Variants in PLEC observed in about 807,000 individuals in gnomAD.
PLEC encodes the protein hemidesmosomal protein 1.
PLEC carries 216 observed loss-of-function variants against 392.8 expected under a neutral mutation model. That is an observed-to-expected ratio of 0.55 (90% confidence interval 0.49 to 0.62). The LOEUF (loss-of-function observed/expected upper bound fraction) is 0.62, where lower values mean the gene tolerates loss of function less well. PLEC is among the 20% of genes least tolerant of loss of function. The pLI is 0.00. For missense variants in PLEC, 6,863 were observed against 6,563.4 expected, an observed-to-expected ratio of 1.05 and a Z score of -1.58; for synonymous variants, 3,621 against 2,980.6, an observed-to-expected ratio of 1.21 and a Z score of -7.00.
rs369665294 is a variant in PLEC, at chr8:143,932,503, G to T, written c.1874C>A (p.Ala625Asp). ...ATTCAGCCACATTAGCTCCTTAGTG[G>T]CGGCTGCCACAAAGCTGTGCAAGCT... ...LESLHSFVAA[A>D]TKELMWLNEK... The change falls in exon 16 of 32, where the codon GCC becomes GAC. Residue 625 changes from alanine (A) to aspartate (D), a missense_variant. Physicochemically the swap from Ala to Asp is moderately radical, Grantham distance 126. Transcript: ENST00000345136. The T allele has an allele frequency of 6.2e-7, 1 of 1,611,440 alleles. No homozygotes were observed. Among genetic ancestry groups the T allele is most frequent in the Non-Finnish European group, 8.5e-7 (1 of 1,179,738 alleles).
rs939415250 is a variant in PLEC at position 143,918,437 on chromosome 8, T to C, written c.11384A>G (p.Glu3795Gly). Residue 3795 changes from glutamate to glycine, a missense_variant, in exon 32 of 32, where the codon GAG becomes GGG. Glu to Gly is a moderately conservative substitution (Grantham distance 98). Coordinates refer to ENST00000345136, the MANE Select transcript of PLEC (RefSeq NM_201384.3). ...AMKKELIPTE[E>G]ALRLLDAQLA... is the part of the protein sequence containing the mutation. ...CTGGGCATCCAGCAGCCGCAGGGCC[T>C]CCTCAGTAGGGATCAGCTCCTTCTT... 1 of 1,581,790 alleles carries C rather than the reference T, an allele frequency of 6.3e-7. No individual in the cohort carries two copies. The highest frequency in any genetic ancestry group is 8.6e-7 in the Non-Finnish European group (1 of 1,166,470).
In PLEC at chr8:143,925,714, C is replaced by A. The variant is rs782416557; in HGVS notation, c.4215G>T (p.Glu1405Asp). The A allele has an allele frequency of 6.3e-7, 1 of 1,593,480 alleles. No homozygotes were observed. Among genetic ancestry groups the A allele is most frequent in the Non-Finnish European group, 8.5e-7 (1 of 1,177,084 alleles). The stretch of plus-strand genomic sequence containing the variant: ...GCTGCTGCGCGTCCACCGCCGCCTC[C>A]TCCCGCCGCACCACCTCCTCCTGCA... ...QRMQEEVVRREEAAVDAQQQK... is the reference protein window; with the variant it reads ...QRMQEEVVRRDEAAVDAQQQK... Residue 1405 changes from glutamate (E) to aspartate (D), a missense_variant, in exon 31 of 32, where the codon GAG becomes GAT. By Grantham distance (45) the Glu-to-Asp change is conservative. Transcript: ENST00000345136.
chr8:143,937,789 C>T (rs782142162), intron 3 of PLEC: 4 of 518,874 alleles, frequency 7.7e-6, no homozygotes, highest in Non-Finnish European at 1.5e-5. Flanking sequence ...CCTCGGCTGC[C>T]CGGCCAGAGC....
At chr8:143,953,792 C>T (rs992336935), upstream of PLEC, 10 of 1,611,496 alleles carry the variant, frequency 6.2e-6, no homozygotes, top group African/African-American at 2.7e-5. Flanking sequence ...GGGCTGAGGG[C>T]GGCTGTGCCA....
intron 1 of PLEC, among the ~76,000 whole-genome samples, chr8:143,962,581 A>G (rs1295847980): frequency 2.6e-5 from 4 of 152,224 alleles, no homozygotes; most frequent in Non-Finnish European, 5.9e-5. Context: ...CACACAGTAG[A>G]AAAAGCCTAG....
rs201552166 is a variant in PLEC at position 143,927,421 on chromosome 8, G to T, written c.3745C>A (p.Arg1249=). The T allele has an allele frequency of 4.3e-4, 682 of 1,602,368 alleles. 4 individuals are homozygous for T. The African/African-American group carries it at 8.0e-3, about 19-fold the overall frequency. The change falls in exon 27 of 32, where the codon CGG becomes AGG. Residue 1249 remains arginine, a synonymous_variant. Transcript: ENST00000345136. Reference sequence around the variant, plus strand: ...CGACCCAAGCCCACCTGCTCCTGCCGCAGCTGCTCCCGCACAGCCTGGCTG... The same window carrying T: ...CGACCCAAGCCCACCTGCTCCTGCCTCAGCTGCTCCCGCACAGCCTGGCTG... ...ADSQAVREQL[R]QEQALLEEIE... is the part of the protein sequence containing the mutation.
rs1832999632 is a variant in PLEC at position 143,964,553 on chromosome 8, AGCGT to A, written c.70+8846_70+8849del. On this transcript the variant is annotated intron_variant, in intron 1 of 31. Transcript: ENST00000356346. ...GAGTCCGCCCTGGAGCCTCCGAAGG[AGCGT>A]GGCCCTGTCAACATCTTGATTTTGG... 2.6e-5 allele frequency among the ~76,000 whole-genome samples: 4 copies of A among 152,284 alleles called. No individual in the cohort carries two copies. In the South Asian group the frequency reaches 8.3e-4, roughly 32 times the overall value.
chr8:143,927,798 C>T (rs1296299738), intron 26 of PLEC, 32 bp from the exon 27 acceptor site: 2 of 1,584,342 alleles, frequency 1.3e-6, no homozygotes, highest in African/African-American at 1.3e-5. Context: ...TGTGCGGCTT[C>T]AGCTGGGCCC....
intron 1 of PLEC, among the ~76,000 whole-genome samples, chr8:143,961,417 C>A (rs1310592009): frequency 3.3e-5 from 5 of 152,064 alleles, no homozygotes; most frequent in African/African-American, 1.2e-4. Context: ...GTAGAGACAG[C>A]GTTTCACCAT....
chr8:143,944,824 T>C (rs1308184373), intron 1 of PLEC: 11 of 649,134 alleles, frequency 1.7e-5, no homozygotes, highest in Admixed American at 4.4e-5. Flanking sequence ...AGGGGAGCAG[T>C]GGGCAGGGGC....
In PLEC at chr8:143,922,030, C is replaced by T; in HGVS notation, c.7791G>A (p.Gln2597=). The T allele has an allele frequency of 1.3e-6, 2 of 1,596,802 alleles. No individual in the cohort carries two copies. The highest frequency in any genetic ancestry group is 1.7e-6 in the Non-Finnish European group (2 of 1,179,292). ...GGTGCTGCTCCTCCAGGAGCTGCAGCTGCTCACGCAGCCTCTGGTTCTCCT... is the reference window on the plus strand; with the variant it reads ...GGTGCTGCTCCTCCAGGAGCTGCAGTTGCTCACGCAGCCTCTGGTTCTCCT... The part of the protein sequence containing the change: ...LAEENQRLRE[Q]LQLLEEQHRA... Residue 2597 remains glutamine (Q), a synonymous_variant, in exon 32 of 32, where the codon CAG becomes CAA. Coordinates refer to ENST00000345136, the MANE Select transcript of PLEC (RefSeq NM_201384.3).
chr8:143,967,362 C>CAAAAAAA (rs869137248), intron 1 of PLEC, among the ~76,000 whole-genome samples: 13 of 46,848 alleles, frequency 2.8e-4, no homozygotes, highest in Non-Finnish European at 3.6e-4. Flanking sequence ...GACTCCATCT[C>CAAAAAAA]AAAAAAAAAA....
At chr8:143,970,258 G>T (rs1239854591) in intron 1 of PLEC, among the ~76,000 whole-genome samples, 62 of 151,914 alleles carry the variant, frequency 4.1e-4, no homozygotes, top group Non-Finnish European at 3.1e-4. Context: ...TCACTGGAGA[G>T]GAATTTTGGT....
At position 143,920,670 on chromosome 8, in the gene PLEC, A is replaced by T; in HGVS notation, c.9151T>A (p.Ser3051Thr). The T allele has an allele frequency of 6.2e-7, 1 of 1,603,594 alleles. No homozygotes were observed. Among genetic ancestry groups the T allele is most frequent in the Non-Finnish European group, 8.5e-7 (1 of 1,179,878 alleles). ...YNALKKDLLPSDMAVALLEAQ... is the reference protein window; with the variant it reads ...YNALKKDLLPTDMAVALLEAQ... Reference sequence around the variant, plus strand: ...TCCAACAGGGCCACGGCCATGTCGGATGGCAGCAGGTCTTTCTTCAGGGCA... The same window carrying T: ...TCCAACAGGGCCACGGCCATGTCGGTTGGCAGCAGGTCTTTCTTCAGGGCA... The change falls in exon 32 of 32, where the codon TCC becomes ACC. Residue 3051 changes from serine (S) to threonine (T), a missense_variant. Transcript: ENST00000345136.
At position 143,919,235 on chromosome 8, in the gene PLEC, C is replaced by T. The variant is rs199815198; in HGVS notation, c.10586G>A (p.Arg3529Gln). ...GCCCGTCTCGGGGTCCTCCACGCAC[C>T]GCTCCAGCAGCTGCCTGTACGTGAG... Reference protein sequence around the residue: ...ENLTYRQLLERCVEDPETGLR... With the variant: ...ENLTYRQLLEQCVEDPETGLR... Residue 3529 changes from arginine to glutamine, a missense_variant, in exon 32 of 32, where the codon CGG becomes CAG. Transcript: ENST00000345136. 79 of 1,613,782 alleles carry T rather than the reference C, an allele frequency of 4.9e-5. No individual in the cohort carries two copies. The highest frequency in any genetic ancestry group is 8.3e-5 in the Admixed American group (5 of 60,000).
upstream of PLEC, among the ~76,000 whole-genome samples, chr8:143,952,928 C>G (rs1832338104): frequency 6.6e-6 from 1 of 151,982 alleles, no homozygotes; most frequent in South Asian, 2.1e-4. Flanking sequence ...AGGGAGGAGC[C>G]CGGAGCAGAA....
Position 143,921,190 on chromosome 8 carries a change from C to T in PLEC, c.8631G>A (p.Thr2877=), listed in dbSNP as rs530936382. 1.7e-5 allele frequency: 28 copies of T among 1,613,962 alleles called. No individual in the cohort carries two copies. The highest frequency in any genetic ancestry group is 1.7e-4 in the African/African-American group (13 of 75,064). Residue 2877 remains threonine, a synonymous_variant, in exon 32 of 32, where the codon ACG becomes ACA. Transcript: ENST00000345136. ...LLERCVEDPE[T]GLCLLPLTDK... ...CCGTGAGTGGCAGAAGGCACAGGCC[C>T]GTCTCGGGGTCCTCCACGCAGCGCT...
chr8:143,935,819 C>A (rs1828897241), intron 6 of PLEC, 29 bp downstream of exon 6: 1 of 1,611,368 alleles, frequency 6.2e-7, no homozygotes, highest in Admixed American at 1.7e-5. Flanking sequence ...GCCCCCAGCC[C>A]ACAGCCCCCT....
At chr8:143,942,558 G>A (rs1181140076), upstream of PLEC, 12 of 1,528,770 alleles carry the variant, frequency 7.8e-6, no homozygotes, top group East Asian at 2.5e-5. Context: ...CGGACAGTGC[G>A]GGGAGCTGGA....
Sources: gnomAD v4.1 joint callset for allele counts (sites outside exome capture counted in the v4.1 genomes callset) on GRCh38, gnomAD v4.1.1 for gene constraint, MANE v1.5 for transcripts, NCBI Gene and HGNC (gene_info 2026-07-23, HGNC 2026-07-21) for gene names.